Variants in CLYBL observed in about 807,000 individuals in gnomAD.
CLYBL encodes the protein citramalyl-CoA lyase.
Under a neutral mutation model 38.9 loss-of-function variants are expected in CLYBL, and 31 were observed. The ratio of observed to expected loss-of-function variants is 0.80; its 90% confidence interval spans 0.60 to 1.08. The LOEUF (loss-of-function observed/expected upper bound fraction) is 1.08. CLYBL is among the 50% of genes least tolerant of loss of function. CLYBL has a pLI of 0.00. For missense variants in CLYBL, 434 were observed against 411.6 expected (o/e 1.05, Z -0.47); for synonymous variants, 171 against 158.6 (o/e 1.08, Z -0.59).
intron 2 of CLYBL, among the ~76,000 whole-genome samples, chr13:99,817,150 G>A (rs1006506254): frequency 9.9e-5 from 15 of 152,168 alleles, no homozygotes; most frequent in African/African-American, 2.4e-4. Flanking sequence ...CATTGAGATC[G>A]TAGTGTGTTT....
At chr13:99,606,834 G>C in intron 1 of CLYBL, 77 bp downstream of exon 1, 1 of 1,302,068 alleles carries the variant, frequency 7.7e-7, no homozygotes, top group Non-Finnish European at 9.7e-7. Context: ...CCCGCGGGCC[G>C]GGCGCGGCCT....
At chr13:99,799,050 G>A (rs2050077959) in intron 2 of CLYBL, among the ~76,000 whole-genome samples, 1 of 152,172 alleles carries the variant, frequency 6.6e-6, no homozygotes, top group Non-Finnish European at 1.5e-5. Context: ...AGTAAGAACA[G>A]CGAATTGGGA....
intron 2 of CLYBL, among the ~76,000 whole-genome samples, chr13:99,784,450 T>TCTTG (rs1555306265): frequency 4.4e-4 from 7 of 16,068 alleles, no homozygotes; most frequent in Admixed American, 2.3e-3. Flanking sequence ...AAATTCTCTC[T>TCTTG]TTTTTTTTTT....
chr13:99,774,017 C>T (rs1367677198), intron 2 of CLYBL, among the ~76,000 whole-genome samples: 1 of 151,596 alleles, frequency 6.6e-6, no homozygotes, highest in African/African-American at 2.4e-5. Flanking sequence ...ATCACTTGAG[C>T]TCAGGAGTTT....
chr13:99,754,416 C>CAAAAAAAAAAAA lies in CLYBL; in HGVS notation c.63-18396_63-18385dup, dbSNP rs1172376194. ...TGGGCAACAGCGTGAGACCCTGTCTCAAAAAAAAAAAAAAAAAAAAAAAGA... is the reference window on the plus strand; with the variant it reads ...TGGGCAACAGCGTGAGACCCTGTCTCAAAAAAAAAAAAAAAAAAAAAAAAAAAAAAAAAAAGA... On this transcript the variant is annotated intron_variant, in intron 1 of 8. Transcript: ENST00000339105. Among the ~76,000 whole-genome samples, 297 of 71,816 alleles carry CAAAAAAAAAAAA rather than the reference C, an allele frequency of 4.1e-3. 12 individuals are homozygous for CAAAAAAAAAAAA. Among genetic ancestry groups the CAAAAAAAAAAAA allele is most frequent in the African/African-American group, 0.015 (265 of 17,428 alleles). The allele number at this position is 71,816 out of a possible 152,430, so 47.1% of individuals were successfully genotyped here.
At chr13:99,883,328 G>A (rs937910846) in intron 7 of CLYBL, among the ~76,000 whole-genome samples, 1 of 152,152 alleles carries the variant, frequency 6.6e-6, no homozygotes, top group South Asian at 2.1e-4. Flanking sequence ...AGACCAGCCT[G>A]GCCAACATGG....
chr13:99,754,588 T>C (rs2139649002), intron 1 of CLYBL, among the ~76,000 whole-genome samples: 1 of 151,016 alleles, frequency 6.6e-6, no homozygotes, highest in African/African-American at 2.4e-5. Context: ...TTTGTTGTTG[T>C]TGTTTTTTTT....
chr13:99,898,517 G>A (rs1175929789), downstream of CLYBL, among the ~76,000 whole-genome samples: 1 of 152,140 alleles, frequency 6.6e-6, no homozygotes, highest in African/African-American at 2.4e-5. Flanking sequence ...AATTTCCAGG[G>A]CCTGGAATTC....
At chr13:99,670,320 G>C (rs2047546902) in intron 1 of CLYBL, among the ~76,000 whole-genome samples, 1 of 152,188 alleles carries the variant, frequency 6.6e-6, no homozygotes, top group South Asian at 2.1e-4. Context: ...TTGCGTCTGT[G>C]AATAGCCACT....
chr13:99,801,260 T>C (rs1449042287), intron 2 of CLYBL, among the ~76,000 whole-genome samples: 1 of 152,238 alleles, frequency 6.6e-6, no homozygotes, highest in Non-Finnish European at 1.5e-5. Context: ...TGTTTTCCCT[T>C]TTCCCCCTGC....
intron 1 of CLYBL, among the ~76,000 whole-genome samples, chr13:99,691,457 A>G (rs1781503001): frequency 6.6e-6 from 1 of 152,110 alleles, no homozygotes; most frequent in African/African-American, 2.4e-5. Context: ...GTGCTCCCCA[A>G]AGGATCTTCA....
chr13:99,681,537 G>A (rs1157785692), intron 1 of CLYBL, among the ~76,000 whole-genome samples: 2 of 152,130 alleles, frequency 1.3e-5, no homozygotes, highest in African/African-American at 4.8e-5. Flanking sequence ...GCTAACAGTT[G>A]GTAAGACTGG....
At chr13:99,725,885 C>A (rs966475651) in intron 1 of CLYBL, among the ~76,000 whole-genome samples, 4 of 152,142 alleles carry the variant, frequency 2.6e-5, no homozygotes, top group Non-Finnish European at 5.9e-5. Flanking sequence ...TCCTGTTAAT[C>A]CAGCTACTGC....
At chr13:99,752,118 ACT>A (rs1486843884) in intron 1 of CLYBL, among the ~76,000 whole-genome samples, 4 of 152,038 alleles carry the variant, frequency 2.6e-5, no homozygotes, top group Admixed American at 1.3e-4. Context: ...CAAGCCAGGC[ACT>A]CTCATATGCC....
intron 2 of CLYBL, among the ~76,000 whole-genome samples, chr13:99,853,636 A>G (rs982379560): frequency 4.6e-5 from 7 of 152,138 alleles, no homozygotes; most frequent in Admixed American, 4.6e-4. Flanking sequence ...TAATCTGAGA[A>G]TTCATTTGCC....
intron 1 of CLYBL, among the ~76,000 whole-genome samples, chr13:99,731,907 T>C (rs577558368): frequency 1.7e-4 from 26 of 152,298 alleles, no homozygotes; most frequent in African/African-American, 6.3e-4. Flanking sequence ...GTGAGAACTG[T>C]CCTTTAATTG....
intron 1 of CLYBL, among the ~76,000 whole-genome samples, chr13:99,700,014 G>C (rs2048040550): frequency 6.6e-6 from 1 of 151,818 alleles, no homozygotes; most frequent in African/African-American, 2.4e-5. Context: ...AAAATAAAAT[G>C]AAAATAATAA....
intron 1 of CLYBL, among the ~76,000 whole-genome samples, chr13:99,643,727 G>C (rs1162197333): frequency 2.0e-5 from 3 of 152,090 alleles, no homozygotes; most frequent in Admixed American, 2.0e-4. Flanking sequence ...TGAACCATAG[G>C]CCCGGCGCAG....
In CLYBL at chr13:99,864,908, A is replaced by C; in HGVS notation, c.631A>C (p.Ile211Leu). 1 of 1,606,530 alleles carries C rather than the reference A, an allele frequency of 6.2e-7. No individual in the cohort carries two copies. The highest frequency in any genetic ancestry group is 1.7e-5 in the Admixed American group (1 of 59,936). The change falls in exon 5 of 9, where the codon ATA (isoleucine) becomes CTA (leucine). Residue 211 changes from isoleucine (I) to leucine (L), a missense_variant. Ile to Leu is a conservative substitution (Grantham distance 5). Coordinates refer to ENST00000339105, the MANE Select transcript of CLYBL (RefSeq NM_206808.5). Reference sequence around the variant, plus strand: ...TGGAGGAGAAGACTTTCGAGCCAGCATAGGTGTCAAAGACATCTCTCTCTC... The same window carrying C: ...TGGAGGAGAAGACTTTCGAGCCAGCCTAGGTGTCAAAGACATCTCTCTCTC... Reference protein sequence around the residue: ...VFGGEDFRASIGATSSKETLD... With the variant: ...VFGGEDFRASLGATSSKETLD...
Sources: gnomAD v4.1 joint callset for allele counts (sites outside exome capture counted in the v4.1 genomes callset) on GRCh38, gnomAD v4.1.1 for gene constraint, MANE v1.5 for transcripts, NCBI Gene and HGNC (gene_info 2026-07-23, HGNC 2026-07-21) for gene names.